NBEAL1: variants seen among roughly 807,000 people sequenced by gnomAD.
NBEAL1 encodes the protein neurobeachin like 1.
Under a neutral mutation model 351.3 loss-of-function variants are expected in NBEAL1, and 273 were observed. The observed-to-expected ratio is 0.78, with a 90% CI of 0.70 to 0.86. NBEAL1 has a LOEUF of 0.86. NBEAL1 is among the 40% of genes least tolerant of loss of function. The probability of loss-of-function intolerance (pLI) is 0.00; values close to 1 mark genes in which losing one functional copy is unlikely to be tolerated. For missense variants in NBEAL1, 2,961 were observed against 3,201.3 expected, an observed-to-expected ratio of 0.92 and a Z score of 1.81; for synonymous variants, 1,050 against 1,086.4, an observed-to-expected ratio of 0.97 and a Z score of 0.66.
chr2:203,055,317 G>C (rs1019415418), intron 4 of NBEAL1, among the ~76,000 whole-genome samples: 1 of 152,012 alleles, frequency 6.6e-6, no homozygotes, highest in East Asian at 1.9e-4. Context: ...GAAGTCTTTT[G>C]GTTGGGTGGG....
At chr2:203,073,265 A>G (rs1045078830) in intron 7 of NBEAL1, among the ~76,000 whole-genome samples, 2 of 152,050 alleles carry the variant, frequency 1.3e-5, no homozygotes, top group South Asian at 2.1e-4. Context: ...CAGATTTTCT[A>G]TTTCTTCTTG....
intron 8 of NBEAL1, among the ~76,000 whole-genome samples, chr2:203,082,244 G>A (rs746132451): frequency 5.9e-5 from 9 of 152,174 alleles, no homozygotes; most frequent in South Asian, 4.1e-4. Context: ...AGCAGCAGGG[G>A]CGGCTAGGAA....
chr2:203,138,774 T>C (rs766275355), intron 31 of NBEAL1, 26 bp downstream of exon 31: 28 of 1,595,064 alleles, frequency 1.8e-5, no homozygotes, highest in Admixed American at 9.1e-5. Flanking sequence ...TATATTATTT[T>C]CTGTGCTTGC....
intron 12 of NBEAL1, among the ~76,000 whole-genome samples, chr2:203,104,182 G>C (rs1457411902): frequency 9.2e-5 from 14 of 152,062 alleles, no homozygotes. Flanking sequence ...TCAATGATCT[G>C]TCCAAGTATA....
At position 203,221,498 on chromosome 2, in the gene NBEAL1, A is replaced by T. The variant is rs1012168423; in HGVS notation, c.*4144A>T. ...ACAGGTTCTTGAACCTATCTTTAGG[A>T]TACAGTTTTTGACTGGGATATAAGA... On this transcript the variant is annotated 3_prime_UTR_variant, in exon 56 of 56. Transcript: ENST00000683969. Among the ~76,000 whole-genome samples the T allele has an allele frequency of 1.3e-5, 2 of 152,064 alleles. No homozygotes were observed. Among genetic ancestry groups the T allele is most frequent in the Non-Finnish European group, 2.9e-5 (2 of 67,994 alleles).
chr2:203,185,501 C>A (rs773781980), intron 44 of NBEAL1, among the ~76,000 whole-genome samples: 1 of 152,056 alleles, frequency 6.6e-6, no homozygotes, highest in Admixed American at 6.6e-5. Flanking sequence ...ATGTTCTGCA[C>A]GTGTATCCCA....
At chr2:203,143,668 T>G (rs1046511698) in intron 31 of NBEAL1, among the ~76,000 whole-genome samples, 1 of 152,154 alleles carries the variant, frequency 6.6e-6, no homozygotes, top group Non-Finnish European at 1.5e-5. Context: ...AAGAGAGTGC[T>G]TTTTCCTACA....
chr2:203,095,105 C>T (rs980421646), intron 10 of NBEAL1, among the ~76,000 whole-genome samples: 3 of 151,848 alleles, frequency 2.0e-5, no homozygotes, highest in African/African-American at 4.8e-5. Context: ...GCCTGGGCTA[C>T]GAGAGTGAAA....
intron 3 of NBEAL1, among the ~76,000 whole-genome samples, chr2:203,045,069 A>G (rs1257907729): frequency 1.3e-5 from 2 of 152,212 alleles, no homozygotes; most frequent in African/African-American, 2.4e-5. Context: ...AACTTTATCT[A>G]TAAGGCATGT....
At chr2:203,146,441 G>T (rs1352751576) in intron 33 of NBEAL1, among the ~76,000 whole-genome samples, 2 of 152,114 alleles carry the variant, frequency 1.3e-5, no homozygotes, top group African/African-American at 4.8e-5. Context: ...CAAGAAAACT[G>T]CAGACCAGTA....
Position 203,125,336 on chromosome 2 carries a change from A to G in NBEAL1, c.2683-16A>G. 2.1e-6 allele frequency: 3 copies of G among 1,460,654 alleles called. No homozygotes were observed. The highest frequency in any genetic ancestry group is 1.5e-5 in the South Asian group (1 of 68,814). The allele number at this position is 1,460,654 out of a possible 1,614,324, so 90.5% of individuals were successfully genotyped here. A position where few individuals can be genotyped will look rare whatever the true frequency, so the allele number is the denominator to read the frequency against. ...CCTCCTTTTATAAGATTTAAACATT[A>G]TAATTTTCCCTTTAGGATATCATAA... On this transcript the variant is annotated splice_polypyrimidine_tract_variant and intron_variant, in intron 19 of 55. Transcript: ENST00000683969.
chr2:203,133,090 G>A lies in NBEAL1; in HGVS notation c.3757G>A (p.Val1253Met), dbSNP rs1473603027. 4 of 1,516,388 alleles carry A rather than the reference G, an allele frequency of 2.6e-6. No individual in the cohort carries two copies. Among genetic ancestry groups the A allele is most frequent in the Non-Finnish European group, 3.6e-6 (4 of 1,122,266 alleles). The allele number at this position is 1,516,388 out of a possible 1,614,324, so 93.9% of individuals were successfully genotyped here. Reference protein sequence around the residue: ...PVINFKDLLSVVYISHRAHIN... With the variant: ...PVINFKDLLSMVYISHRAHIN... The stretch of plus-strand genomic sequence containing the variant: ...TATTAATTTCAAAGATCTACTATCT[G>A]TGGTATATATATCTCACAGAGCACA... The change falls in exon 27 of 56, where the codon GTG (valine) becomes ATG (methionine). Residue 1253 changes from valine to methionine, a missense_variant. Coordinates refer to ENST00000683969, the MANE Select transcript of NBEAL1 (RefSeq NM_001378026.1).
chr2:203,076,490 CA>C (rs201070728), intron 7 of NBEAL1, among the ~76,000 whole-genome samples: 3 of 17,308 alleles, frequency 1.7e-4, no homozygotes, highest in African/African-American at 3.2e-4. Context: ...AACAAACAAA[CA>C]AACAAAAAAA....
chr2:203,112,614 A>G (rs576601133), intron 16 of NBEAL1, among the ~76,000 whole-genome samples: 3 of 152,284 alleles, frequency 2.0e-5, no homozygotes, highest in African/African-American at 7.2e-5. Context: ...GATTCAAGTA[A>G]TTTTTTGTTG....
At chr2:203,026,712 ACCAT>A (rs2060864482) in intron 2 of NBEAL1, among the ~76,000 whole-genome samples, 3 of 152,074 alleles carry the variant, frequency 2.0e-5, no homozygotes, top group Non-Finnish European at 4.4e-5. Flanking sequence ...ACAGTGTTTC[ACCAT>A]GTTGGCCAGG....
At chr2:203,094,590 G>C (rs569508138) in intron 10 of NBEAL1, among the ~76,000 whole-genome samples, 2 of 152,216 alleles carry the variant, frequency 1.3e-5, no homozygotes, top group Admixed American at 1.3e-4. Context: ...TATGAGATTC[G>C]TCAGCCTATT....
chr2:203,145,122 C>T lies in NBEAL1; in HGVS notation c.5266C>T (p.Arg1756Ter), dbSNP rs953711650. ...YEALMVNMHK[R>*]DREGGESKLK... Reference sequence around the variant, plus strand: ...AGCTTTAATGGTAAATATGCATAAACGAGACCGGGAAGGAGGGGAAAGCAA... The same window carrying T: ...AGCTTTAATGGTAAATATGCATAAATGAGACCGGGAAGGAGGGGAAAGCAA... The change falls in exon 33 of 56, where the codon CGA (arginine) becomes TGA (stop). Residue 1756 changes from arginine (R) to a stop codon, truncating the protein, a stop_gained. Coordinates refer to ENST00000683969, the MANE Select transcript of NBEAL1 (RefSeq NM_001378026.1). LOFTEE classifies it high-confidence loss of function. The T allele has an allele frequency of 1.3e-5, 21 of 1,610,982 alleles. No individual in the cohort carries two copies. Among genetic ancestry groups the T allele is most frequent in the East Asian group, 4.5e-5 (2 of 44,758 alleles).
intron 10 of NBEAL1, among the ~76,000 whole-genome samples, chr2:203,088,812 A>C (rs2062013621): frequency 6.6e-6 from 1 of 152,210 alleles, no homozygotes. Context: ...GAATCACATC[A>C]AGAAAAGGTC....
rs2106247315 is a variant in NBEAL1, at chr2:203,113,209, C to A, written c.2397C>A (p.Thr799=). ...TTACCAAATTGATATCAGCTGGAAC[C>A]CAAGACAGTGAATGGGGGTGTCCCA... ...KLITKLISAG[T]QDSEWGCPTS... is the part of the protein sequence containing the mutation. The change falls in exon 17 of 56, where the codon ACC becomes ACA. Residue 799 remains threonine, a synonymous_variant. Coordinates refer to ENST00000683969, the MANE Select transcript of NBEAL1 (RefSeq NM_001378026.1). 1 of 1,547,322 alleles carries A rather than the reference C, an allele frequency of 6.5e-7. No individual in the cohort carries two copies. The highest frequency in any genetic ancestry group is 2.4e-5 in the East Asian group (1 of 41,194).
Sources: allele counts gnomAD v4.1 joint callset (sites outside exome capture counted in the v4.1 genomes callset), GRCh38; gene constraint gnomAD v4.1.1; transcripts MANE v1.5; gene names NCBI Gene and HGNC (gene_info 2026-07-23, HGNC 2026-07-21).